Variants in SCN9A observed in about 807,000 individuals in gnomAD.
SCN9A encodes the protein sodium voltage-gated channel alpha subunit 9.
A neutral mutation model predicts 187.0 loss-of-function variants in SCN9A; 131 were observed. That is an observed-to-expected ratio of 0.70 (90% CI 0.61 to 0.81). The LOEUF (loss-of-function observed/expected upper bound fraction) is 0.81. Among genes scored for constraint, SCN9A ranks in the 30% least tolerant of loss-of-function variants. SCN9A has a pLI of 0.00. For missense variants in SCN9A, 2,252 were observed against 2,396.6 expected, an observed-to-expected ratio of 0.94 and a Z score of 1.26; for synonymous variants, 809 against 808.6, an observed-to-expected ratio of 1.00 and a Z score of -0.01.
chr2:166,340,415 A>T (rs1397146120), intron 1 of SCN9A, among the ~76,000 whole-genome samples: 2 of 152,102 alleles, frequency 1.3e-5, no homozygotes, highest in African/African-American at 4.8e-5. Context: ...TGAATTTTTT[A>T]AAAATCAGGC....
chr2:166,327,817 A>G (rs897096517), intron 1 of SCN9A, among the ~76,000 whole-genome samples: 6 of 152,186 alleles, frequency 3.9e-5, no homozygotes, highest in African/African-American at 1.2e-4. Context: ...CCATTTCACT[A>G]AAAGACTAGC....
At chr2:166,281,573 T>C (rs1697488625) in intron 13 of SCN9A, 106 bp downstream of exon 13, 1 of 1,009,368 alleles carries the variant, frequency 9.9e-7, no homozygotes. Context: ...AACCATTTTA[T>C]GGTCTCTGAA....
chr2:166,370,226 A>ATT, intron 1 of SCN9A, among the ~76,000 whole-genome samples: 1 of 131,608 alleles, frequency 7.6e-6, no homozygotes, highest in African/African-American at 3.0e-5. Flanking sequence ...TAATAATAAT[A>ATT]ATAATAATAA....
At position 166,281,784 on chromosome 2, in the gene SCN9A, T is replaced by C. The variant is rs775090142; in HGVS notation, c.1999A>G (p.Lys667Glu). The C allele has an allele frequency of 1.2e-6, 2 of 1,612,704 alleles. No individual in the cohort carries two copies. Among genetic ancestry groups the C allele is most frequent in the Non-Finnish European group, 1.7e-6 (2 of 1,179,350 alleles). Reference protein sequence around the residue: ...DSGTTNQIHKKRRCSSYLLSE... With the variant: ...DSGTTNQIHKERRCSSYLLSE... ...AGGAGATAGGAACTACAACGCCTTT[T>C]CTTGTGTATTTGATTGGTCGTGCCC... Residue 667 changes from lysine (K) to glutamate (E), a missense_variant, in exon 13 of 27, where the codon AAA (lysine) becomes GAA (glutamate). Lys to Glu is a moderately conservative substitution (Grantham distance 56). Around this residue, in one of 7 missense-constraint regions of SCN9A, gnomAD observed 1,013 missense variants for 997.4 expected, o/e 1.02. Coordinates refer to ENST00000642356, the MANE Select transcript of SCN9A (RefSeq NM_001365536.1).
At chr2:166,242,772 C>A (rs1695625911) in intron 18 of SCN9A, 116 bp from the exon 19 acceptor site, 2 of 632,334 alleles carry the variant, frequency 3.2e-6, no homozygotes, top group Non-Finnish European at 5.1e-6. Context: ...AATTTCAACA[C>A]CTATACTTGC....
At chr2:166,368,252 G>T (rs1261787594) in intron 1 of SCN9A, among the ~76,000 whole-genome samples, 1 of 152,210 alleles carries the variant, frequency 6.6e-6, no homozygotes, top group Non-Finnish European at 1.5e-5. Context: ...TAGCATTAAG[G>T]AGACGTCCAT....
At chr2:166,289,763 G>C (rs909805045) in intron 9 of SCN9A, among the ~76,000 whole-genome samples, 1 of 152,106 alleles carries the variant, frequency 6.6e-6, no homozygotes, top group Non-Finnish European at 1.5e-5. Flanking sequence ...CCTACCAACA[G>C]TTTAAAAGCA....
intron 17 of SCN9A, among the ~76,000 whole-genome samples, chr2:166,266,084 A>G (rs1351961661): frequency 1.3e-5 from 2 of 151,868 alleles, no homozygotes; most frequent in Admixed American, 1.3e-4. Context: ...CAATTTGTCT[A>G]TATTTGCTTT....
chr2:166,352,648 T>G (rs530084774), intron 1 of SCN9A, among the ~76,000 whole-genome samples: 1 of 152,330 alleles, frequency 6.6e-6, no homozygotes, highest in African/African-American at 2.4e-5. Context: ...GGGTTAATTT[T>G]TTCTTAGTTG....
At chr2:166,304,859 T>C (rs1408400853) in intron 5 of SCN9A, among the ~76,000 whole-genome samples, 2 of 152,106 alleles carry the variant, frequency 1.3e-5, no homozygotes, top group Non-Finnish European at 2.9e-5. Flanking sequence ...TGCGCAAGTT[T>C]GTCAATATAC....
At position 166,199,227 on chromosome 2, in the gene SCN9A, A is replaced by G. The variant is rs747367937; in HGVS notation, c.5412T>C (p.Asp1804=). 2 of 1,614,146 alleles carry G rather than the reference A, an allele frequency of 1.2e-6. No homozygotes were observed. Among genetic ancestry groups the G allele is most frequent in the South Asian group, 2.2e-5 (2 of 91,082 alleles). The part of the protein sequence containing the change: ...TQFIEFSKLS[D]FAAALDPPLL... ...GAGGAGGATCCAGGGCAGCTGCAAAATCAGAGAGTTTAGAGAACTCTATAA... is the reference window on the plus strand; with the variant it reads ...GAGGAGGATCCAGGGCAGCTGCAAAGTCAGAGAGTTTAGAGAACTCTATAA... The change falls in exon 27 of 27, where the codon GAT becomes GAC. Residue 1804 remains aspartate (D), a synonymous_variant. Transcript: ENST00000642356.
Position 166,203,968 on chromosome 2 carries a change from A to T in SCN9A, c.4761T>A (p.Ile1587=). The T allele has an allele frequency of 6.3e-7, 1 of 1,581,400 alleles. No homozygotes were observed. Among genetic ancestry groups the T allele is most frequent in the Non-Finnish European group, 8.7e-7 (1 of 1,154,518 alleles). Residue 1587 remains isoleucine (I), a synonymous_variant, in exon 26 of 27, where the codon ATT becomes ATA. Coordinates refer to ENST00000642356, the MANE Select transcript of SCN9A (RefSeq NM_001365536.1). ...GWNIFDFVVV[I]ISIVGMFLAD... ...AAATATTCTTACCTACAATGGAGATAATCACAACCACAAAATCAAAAATAT... is the reference window on the plus strand; with the variant it reads ...AAATATTCTTACCTACAATGGAGATTATCACAACCACAAAATCAAAAATAT...
intron 16 of SCN9A, among the ~76,000 whole-genome samples, chr2:166,276,193 A>G (rs534086286): frequency 1.4e-4 from 22 of 152,274 alleles, no homozygotes; most frequent in African/African-American, 5.1e-4. Flanking sequence ...CCAAGAAAAC[A>G]CTAATTCAAA....
Position 166,217,901 on chromosome 2 carries a change from G to A in SCN9A, c.4398+8666C>T, listed in dbSNP as rs553013270. Among the ~76,000 whole-genome samples, 14 of 151,996 alleles carry A rather than the reference G, an allele frequency of 9.2e-5. No individual in the cohort carries two copies. The East Asian group carries it at 1.4e-3, about 15-fold the overall frequency. On this transcript the variant is annotated intron_variant, in intron 24 of 26. Transcript: ENST00000642356. ...TAATTCCTTTAGAGGAATTAAAATC[G>A]TTCTGTCAAAGGTATACCTGCACTC...
intron 7 of SCN9A, among the ~76,000 whole-genome samples, chr2:166,300,215 A>T (rs1451298362): frequency 1.3e-5 from 2 of 150,668 alleles, no homozygotes; most frequent in East Asian, 3.9e-4. Context: ...TATGACCCCT[A>T]TTTTTTCTGC....
At chr2:166,269,537 GTATAACTC>G (rs1345728437) in intron 17 of SCN9A, among the ~76,000 whole-genome samples, 2 of 151,998 alleles carry the variant, frequency 1.3e-5, no homozygotes, top group Admixed American at 1.3e-4. Flanking sequence ...CTTTATAACT[GTATAACTC>G]TATAACTCTA....
chr2:166,366,862 TA>T (rs542980503), intron 1 of SCN9A, among the ~76,000 whole-genome samples: 1 of 152,182 alleles, frequency 6.6e-6, no homozygotes, highest in Non-Finnish European at 1.5e-5. Flanking sequence ...AATAGATATT[TA>T]AAAAAATTGC....
At chr2:166,302,321 G>C (rs1698590886) in intron 7 of SCN9A, 1 of 152,164 alleles carries the variant, frequency 6.6e-6, no homozygotes, top group Non-Finnish European at 1.5e-5. Context: ...ATTGTTTAGA[G>C]AACATTCAAT....
chr2:166,247,126 G>A (rs1283311530), intron 18 of SCN9A, among the ~76,000 whole-genome samples: 1 of 120,278 alleles, frequency 8.3e-6, no homozygotes, highest in Non-Finnish European at 1.6e-5. Flanking sequence ...TAAAGTCTAT[G>A]CTGAGTTTCA....
Sources: gnomAD v4.1 joint callset for allele counts (sites outside exome capture counted in the v4.1 genomes callset) on GRCh38, gnomAD v4.1.1 for gene constraint, gnomAD v4.1.1 regional missense constraint, MANE v1.5 for transcripts, NCBI Gene and HGNC (gene_info 2026-07-23, HGNC 2026-07-21) for gene names.